The following LUZP2 variants were observed in gnomAD, a reference collection of about 807,000 sequenced individuals.
LUZP2 encodes leucine zipper protein 2.
Under a neutral mutation model 51.6 loss-of-function variants are expected in LUZP2, and 52 were observed. That is an observed-to-expected ratio of 1.01 (90% confidence interval 0.81 to 1.27). The LOEUF (loss-of-function observed/expected upper bound fraction) is 1.27. Among genes scored for constraint, LUZP2 ranks in the 50% most tolerant of loss-of-function variants. LUZP2 has a pLI of 0.00. For missense variants in LUZP2, 436 were observed against 395.4 expected (o/e 1.10, Z -0.87); for synonymous variants, 154 against 137.3 (o/e 1.12, Z -0.85).
chr11:24,995,672 T>C (rs905702350), intron 9 of LUZP2, among the ~76,000 whole-genome samples: 1 of 152,122 alleles, frequency 6.6e-6, no homozygotes, highest in African/African-American at 2.4e-5. Context: ...GCTCAGATAA[T>C]AAATTATGTG....
intron 1 of LUZP2, among the ~76,000 whole-genome samples, chr11:24,698,208 G>A (rs1458837484): frequency 6.6e-6 from 1 of 152,108 alleles, no homozygotes; most frequent in African/African-American, 2.4e-5. Flanking sequence ...AAGAACCACT[G>A]GGCTGTAAAA....
At chr11:25,053,765 A>G (rs1858594614) in intron 10 of LUZP2, among the ~76,000 whole-genome samples, 1 of 152,162 alleles carries the variant, frequency 6.6e-6, no homozygotes, top group South Asian at 2.1e-4. Context: ...CGTTTGCATA[A>G]ACCACTTTGT....
chr11:24,566,968 A>ATGT (rs2133789690), intron 1 of LUZP2, among the ~76,000 whole-genome samples: 1 of 75,384 alleles, frequency 1.3e-5, no homozygotes, highest in South Asian at 3.9e-4. Flanking sequence ...TTTATATATA[A>ATGT]ATATGTATAT....
At chr11:24,934,004 G>A (rs878857269) in intron 7 of LUZP2, among the ~76,000 whole-genome samples, 1 of 152,180 alleles carries the variant, frequency 6.6e-6, no homozygotes, top group Non-Finnish European at 1.5e-5. Flanking sequence ...CTCAAGGATG[G>A]GGAGGGTGTA....
At chr11:24,716,952 A>G (rs1411835755) in intron 1 of LUZP2, among the ~76,000 whole-genome samples, 2 of 152,140 alleles carry the variant, frequency 1.3e-5, no homozygotes, top group Non-Finnish European at 2.9e-5. Context: ...GAAGAAGTAC[A>G]TGCTTTCAAA....
intron 7 of LUZP2, among the ~76,000 whole-genome samples, chr11:24,962,376 A>G (rs1301022023): frequency 2.0e-5 from 3 of 152,242 alleles, no homozygotes; most frequent in Admixed American, 2.0e-4. Context: ...ACTTGGTTCC[A>G]TTCTCCCCAT....
intron 10 of LUZP2, among the ~76,000 whole-genome samples, chr11:25,065,895 A>G (rs549421171): frequency 5.0e-4 from 76 of 152,040 alleles, no homozygotes; most frequent in Non-Finnish European, 1.0e-3. Context: ...TCTGATGACT[A>G]CGTTCTATGA....
intron 7 of LUZP2, among the ~76,000 whole-genome samples, chr11:24,952,408 T>G (rs1442481333): frequency 1.3e-5 from 2 of 151,700 alleles, no homozygotes; most frequent in Admixed American, 1.3e-4. Flanking sequence ...TAAGCAATAT[T>G]CAATAAATAG....
chr11:24,566,506 GTGTGTGTGTA>G (rs1174233502), intron 1 of LUZP2, among the ~76,000 whole-genome samples: 2 of 147,548 alleles, frequency 1.4e-5, no homozygotes, highest in African/African-American at 5.0e-5. Flanking sequence ...TTTAATTTGT[GTGTGTGTGTA>G]TGTGTGTGTA....
intron 9 of LUZP2, among the ~76,000 whole-genome samples, chr11:24,993,231 G>A (rs185604671): frequency 6.6e-6 from 1 of 152,024 alleles, no homozygotes; most frequent in African/African-American, 2.4e-5. Flanking sequence ...GAAAACTTAG[G>A]TGATATATAA....
intron 10 of LUZP2, among the ~76,000 whole-genome samples, chr11:25,073,290 A>T (rs1040911988): frequency 1.7e-4 from 26 of 152,184 alleles, no homozygotes; most frequent in African/African-American, 6.3e-4. Context: ...GCTTCTTATG[A>T]CCTTCATTGT....
intron 5 of LUZP2, among the ~76,000 whole-genome samples, chr11:24,814,971 G>C (rs1418148337): frequency 7.0e-6 from 1 of 142,142 alleles, no homozygotes; most frequent in African/African-American, 2.6e-5. Flanking sequence ...CAGCTTGGGC[G>C]ACAGAGTGAG....
At chr11:24,754,344 C>T (rs201189673) in intron 4 of LUZP2, among the ~76,000 whole-genome samples, 1 of 38,316 alleles carries the variant, frequency 2.6e-5, no homozygotes, top group East Asian at 6.3e-4. Context: ...AAATTTTTCA[C>T]CTTTCTGGGA....
rs1392608538 is a variant in LUZP2 at position 24,824,881 on chromosome 11, C to A, written c.396+61573C>A. 2.0e-5 allele frequency among the ~76,000 whole-genome samples: 3 copies of A among 151,988 alleles called. No individual in the cohort carries two copies. In the East Asian group the frequency reaches 5.8e-4, roughly 29 times the overall value. On this transcript the variant is annotated intron_variant, in intron 5 of 11. Coordinates refer to ENST00000336930, the MANE Select transcript of LUZP2 (RefSeq NM_001009909.4). ...AATTTTGACAAAATAAATTACAATC[C>A]ATGTTACATTTTTATGCCAAATAAA...
At chr11:25,062,514 A>G (rs1226263656) in intron 10 of LUZP2, among the ~76,000 whole-genome samples, 1 of 132,856 alleles carries the variant, frequency 7.5e-6, no homozygotes, top group Non-Finnish European at 1.6e-5. Context: ...CACTGGAGCC[A>G]GGGTGGTTGA....
intron 5 of LUZP2, among the ~76,000 whole-genome samples, chr11:24,789,840 T>G (rs912247176): frequency 2.0e-5 from 3 of 152,186 alleles, no homozygotes; most frequent in South Asian, 2.1e-4. Context: ...GAGGGCTCTA[T>G]CCTCAGGATC....
At chr11:24,966,688 T>G (rs1226957426) in intron 7 of LUZP2, among the ~76,000 whole-genome samples, 1 of 148,028 alleles carries the variant, frequency 6.8e-6, no homozygotes, top group Non-Finnish European at 1.5e-5. Context: ...ATATATTTTA[T>G]ATGCATATTA....
intron 1 of LUZP2, among the ~76,000 whole-genome samples, chr11:24,519,689 T>C (rs1334550316): frequency 6.6e-6 from 1 of 152,232 alleles, no homozygotes; most frequent in East Asian, 1.9e-4. Context: ...TAATTTGGAA[T>C]TTCATTTATT....
At chr11:24,556,081 A>G (rs1262511133) in intron 1 of LUZP2, among the ~76,000 whole-genome samples, 1 of 152,176 alleles carries the variant, frequency 6.6e-6, no homozygotes, top group Non-Finnish European at 1.5e-5. Flanking sequence ...TAGTCTCTAT[A>G]TGAGTGACTG....
Sources: gnomAD v4.1 joint callset for allele counts (sites outside exome capture counted in the v4.1 genomes callset) on GRCh38, gnomAD v4.1.1 for gene constraint, MANE v1.5 for transcripts, NCBI Gene and HGNC (gene_info 2026-07-23, HGNC 2026-07-21) for gene names.